The following IQGAP2 variants were observed in gnomAD, a reference collection of about 807,000 sequenced individuals.
IQGAP2 encodes the protein ras GTPase-activating-like protein IQGAP2.
A neutral mutation model predicts 201.3 loss-of-function variants in IQGAP2; 173 were observed. The observed-to-expected ratio is 0.86, with a 90% CI of 0.76 to 0.98. The LOEUF (loss-of-function observed/expected upper bound fraction) is 0.98. IQGAP2 is among the 50% of genes least tolerant of loss of function. IQGAP2 has a pLI of 0.00. For synonymous variants in IQGAP2, 675 were observed against 673.9 expected (o/e 1.00, Z -0.03); for missense variants, 1,687 against 1,864.8 (o/e 0.90, Z 1.76).
intron 13 of IQGAP2, among the ~76,000 whole-genome samples, chr5:76,621,119 C>T (rs1265398847): frequency 2.6e-5 from 4 of 152,268 alleles, no homozygotes; most frequent in South Asian, 2.1e-4. Context: ...CAAAATTCCT[C>T]CATATTGAAT....
chr5:76,584,904 G>A (rs1746135905), intron 5 of IQGAP2, among the ~76,000 whole-genome samples: 1 of 152,112 alleles, frequency 6.6e-6, no homozygotes, highest in Admixed American at 6.5e-5. Context: ...AGGAACAAAT[G>A]AAAATATTAA....
At chr5:76,654,724 C>T (rs1752773666) in intron 19 of IQGAP2, among the ~76,000 whole-genome samples, 1 of 152,150 alleles carries the variant, frequency 6.6e-6, no homozygotes, top group African/African-American at 2.4e-5. Context: ...AGGCAGTTCC[C>T]CTACAGTCTT....
At chr5:76,422,770 C>T (rs1580157808) in intron 1 of IQGAP2, among the ~76,000 whole-genome samples, 1 of 152,334 alleles carries the variant, frequency 6.6e-6, no homozygotes, top group East Asian at 1.9e-4. Flanking sequence ...GGACCGGCTT[C>T]TACACTTTCT....
At chr5:76,459,846 G>A (rs1299108519) in intron 1 of IQGAP2, among the ~76,000 whole-genome samples, 1 of 152,030 alleles carries the variant, frequency 6.6e-6, no homozygotes, top group African/African-American at 2.4e-5. Context: ...TCACCATGTT[G>A]CCCAGGCTAG....
At chr5:76,497,328 A>C (rs1757046347) in intron 2 of IQGAP2, among the ~76,000 whole-genome samples, 1 of 152,180 alleles carries the variant, frequency 6.6e-6, no homozygotes, top group Non-Finnish European at 1.5e-5. Flanking sequence ...ATATCTTCCA[A>C]CCAAGGGAGC....
chr5:76,637,752 A>G (rs1037159663), intron 16 of IQGAP2, among the ~76,000 whole-genome samples: 2 of 152,210 alleles, frequency 1.3e-5, no homozygotes, highest in East Asian at 1.9e-4. Flanking sequence ...TAACATTTCT[A>G]GAGATCTGGA....
At chr5:76,416,543 T>TTTTTTTTTTTA in intron 1 of IQGAP2, among the ~76,000 whole-genome samples, 6 of 151,986 alleles carry the variant, frequency 3.9e-5, no homozygotes, top group African/African-American at 1.5e-4. Context: ...TTTTTTTTTT[T>TTTTTTTTTTTA]GAGACGGAGT....
intron 2 of IQGAP2, among the ~76,000 whole-genome samples, chr5:76,559,784 C>T (rs994893082): frequency 2.0e-5 from 3 of 152,124 alleles, no homozygotes; most frequent in Admixed American, 6.5e-5. Context: ...TCTGGGGACT[C>T]GTTTTCTTCC....
intron 35 of IQGAP2, among the ~76,000 whole-genome samples, chr5:76,703,449 C>A (rs1038658577): frequency 6.6e-6 from 1 of 152,132 alleles, no homozygotes; most frequent in Non-Finnish European, 1.5e-5. Flanking sequence ...AGCCACCACA[C>A]CTGGCCCCTA....
At chr5:76,676,339 T>C (rs6453244) in intron 27 of IQGAP2, among the ~76,000 whole-genome samples, 111,266 of 152,128 alleles carry the variant, frequency 0.73, 41,336 homozygotes, top group Middle Eastern at 0.79. Flanking sequence ...AGCCGACTGT[T>C]ACATGGGAAC....
chr5:76,421,752 C>T (rs1443295714), intron 1 of IQGAP2, among the ~76,000 whole-genome samples: 1 of 152,186 alleles, frequency 6.6e-6, no homozygotes, highest in Admixed American at 6.5e-5. Flanking sequence ...TGATTGGTGA[C>T]TTAAATAGTG....
rs368535679 is a variant in IQGAP2, at chr5:76,611,052, A to G, written c.1390A>G (p.Ile464Val). 5.0e-6 allele frequency: 8 copies of G among 1,613,684 alleles called. No homozygotes were observed. Among genetic ancestry groups the G allele is most frequent in the East Asian group, 2.2e-5 (1 of 44,870 alleles). ...VVAVGYINEA[I>V]DEGNPLRTLE... ...AGCTGTAGGGTACATCAATGAAGCT[A>G]TTGATGAAGGGAATCCTTTGAGGAC... The change falls in exon 13 of 36, where the codon ATT becomes GTT. Residue 464 changes from isoleucine to valine, a missense_variant. Physicochemically the swap from Ile to Val is conservative, Grantham distance 29. Transcript: ENST00000274364.
intron 2 of IQGAP2, among the ~76,000 whole-genome samples, chr5:76,540,313 C>A (rs916722558): frequency 6.6e-6 from 1 of 152,064 alleles, no homozygotes; most frequent in Non-Finnish European, 1.5e-5. Flanking sequence ...AAAAGGAAAC[C>A]ACTGGGAGGG....
intron 3 of IQGAP2, among the ~76,000 whole-genome samples, chr5:76,564,385 G>A (rs1373906017): frequency 6.6e-6 from 1 of 152,218 alleles, no homozygotes; most frequent in African/African-American, 2.4e-5. Flanking sequence ...AGTTGGGGTA[G>A]GCTCCAGCTC....
At chr5:76,669,708 TTAGTC>T (rs1481984914) in intron 23 of IQGAP2, among the ~76,000 whole-genome samples, 16 of 152,148 alleles carry the variant, frequency 1.1e-4, no homozygotes, top group South Asian at 4.1e-4. Context: ...GGAAAGTAGA[TTAGTC>T]TAGCCAGAAA....
chr5:76,625,819 T>C (rs762470782), intron 13 of IQGAP2, among the ~76,000 whole-genome samples: 2 of 152,218 alleles, frequency 1.3e-5, no homozygotes, highest in Non-Finnish European at 2.9e-5. Context: ...TACCTTTCAT[T>C]CATCACAGTC....
chr5:76,408,792 T>G (rs1750938809), intron 1 of IQGAP2, among the ~76,000 whole-genome samples: 1 of 151,954 alleles, frequency 6.6e-6, no homozygotes, highest in Admixed American at 6.6e-5. Context: ...TCTTATTTAT[T>G]TATTTATTTA....
chr5:76,509,929 A>G lies in IQGAP2; in HGVS notation c.146+48260A>G, dbSNP rs979946595. Among the ~76,000 whole-genome samples the G allele has an allele frequency of 1.4e-4, 21 of 152,042 alleles. 1 individual carries two copies. Among genetic ancestry groups the G allele is most frequent in the African/African-American group, 5.1e-4 (21 of 41,404 alleles). ...TCCATATCTTAAAATTATGGGAAAC[A>G]ATATTTAGAGAGCTCCTTTTCACAC... On this transcript the variant is annotated intron_variant, in intron 2 of 35. Coordinates refer to ENST00000274364, the MANE Select transcript of IQGAP2 (RefSeq NM_006633.5).
At chr5:76,618,628 T>C in intron 13 of IQGAP2, 1 of 1,611,222 alleles carries the variant, frequency 6.2e-7, no homozygotes, top group Middle Eastern at 1.7e-4. Context: ...AAGTTGTTTG[T>C]ATCATTTTCC....
Sources: gnomAD v4.1 joint callset for allele counts (sites outside exome capture counted in the v4.1 genomes callset) on GRCh38, gnomAD v4.1.1 for gene constraint, MANE v1.5 for transcripts, NCBI Gene and HGNC (gene_info 2026-07-23, HGNC 2026-07-21) for gene names.